Variants in SUMF1 observed in about 807,000 individuals in gnomAD.
SUMF1 encodes formylglycine-generating enzyme.
Under a neutral mutation model 47.6 loss-of-function variants are expected in SUMF1, and 48 were observed. The ratio of observed to expected loss-of-function variants is 1.01; its 90% confidence interval spans 0.80 to 1.28. The LOEUF (loss-of-function observed/expected upper bound fraction) is 1.28, where lower values mean the gene tolerates loss of function less well. SUMF1 is among the 50% of genes most tolerant of loss of function. SUMF1 has a pLI of 0.00. For missense variants in SUMF1, 571 were observed against 485.4 expected, an observed-to-expected ratio of 1.18 and a Z score of -1.66; for synonymous variants, 230 against 192.1, an observed-to-expected ratio of 1.20 and a Z score of -1.63.
intron 8 of SUMF1, among the ~76,000 whole-genome samples, chr3:4,136,352 G>C (rs1360448004): frequency 5.9e-5 from 9 of 152,014 alleles, no homozygotes; most frequent in Non-Finnish European, 8.8e-5. Context: ...ACAAACCTGA[G>C]AAAAACAAGC....
At chr3:4,372,171 C>T (rs115023768) in intron 8 of SUMF1, among the ~76,000 whole-genome samples, 4,863 of 152,174 alleles carry the variant, frequency 0.032, 114 homozygotes, top group Non-Finnish European at 0.048. Context: ...CGTGGTGGCA[C>T]AAGCCTGTAA....
At chr3:4,369,043 AAAGGTTTTTTT>A (rs3833601) in intron 8 of SUMF1, among the ~76,000 whole-genome samples, 58,522 of 150,258 alleles carry the variant, frequency 0.39, 11,769 homozygotes, top group Non-Finnish European at 0.46. Context: ...TTGGCATGCA[AAAGGTTTTTTT>A]TTTTTTTTAA....
At chr3:4,369,047 G>GTTT (rs1167016301) in intron 8 of SUMF1, among the ~76,000 whole-genome samples, 1 of 59,108 alleles carries the variant, frequency 1.7e-5, no homozygotes, top group South Asian at 3.9e-4. Context: ...CATGCAAAAG[G>GTTT]TTTTTTTTTT....
At chr3:4,142,590 CTGCT>C (rs1694097268) in intron 8 of SUMF1, among the ~76,000 whole-genome samples, 1 of 152,112 alleles carries the variant, frequency 6.6e-6, no homozygotes, top group South Asian at 2.1e-4. Flanking sequence ...AAACAGTTTT[CTGCT>C]TGCTTAAGGA....
At chr3:4,458,338 C>A (rs1239382176) in intron 1 of SUMF1, among the ~76,000 whole-genome samples, 1 of 152,054 alleles carries the variant, frequency 6.6e-6, no homozygotes, top group Admixed American at 6.6e-5. Flanking sequence ...CAGAAATCTG[C>A]AAACAGAATT....
At chr3:4,075,431 A>C (rs1029669880) in intron 8 of SUMF1, among the ~76,000 whole-genome samples, 3 of 152,176 alleles carry the variant, frequency 2.0e-5, no homozygotes, top group African/African-American at 7.2e-5. Flanking sequence ...AACTGGCACA[A>C]GACAAAGATG....
chr3:4,303,772 G>A (rs1698057489), intron 8 of SUMF1: 1 of 1,453,196 alleles, frequency 6.9e-7, no homozygotes, highest in Non-Finnish European at 9.2e-7. Flanking sequence ...CGGAGGCCTT[G>A]TGAGAACCTG....
chr3:4,050,631 T>C (rs1414628692), intron 9 of SUMF1, among the ~76,000 whole-genome samples: 1 of 150,808 alleles, frequency 6.6e-6, no homozygotes, highest in Non-Finnish European at 1.5e-5. Context: ...TACTGCCAGC[T>C]ACTCAGGAGG....
chr3:4,322,331 CATA>C (rs1206162409), intron 8 of SUMF1, among the ~76,000 whole-genome samples: 5 of 151,982 alleles, frequency 3.3e-5, no homozygotes, highest in South Asian at 2.1e-4. Flanking sequence ...TGTATCAATA[CATA>C]ATAATATATA....
intron 8 of SUMF1, among the ~76,000 whole-genome samples, chr3:4,143,356 G>C (rs764000748): frequency 1.3e-5 from 2 of 152,076 alleles, no homozygotes; most frequent in Non-Finnish European, 2.9e-5. Context: ...CTTTTCCCAG[G>C]TAACCCTCAC....
At chr3:4,275,580 C>T (rs1403802883) in intron 8 of SUMF1, among the ~76,000 whole-genome samples, 2 of 152,182 alleles carry the variant, frequency 1.3e-5, no homozygotes, top group African/African-American at 2.4e-5. Flanking sequence ...AAACCAATCA[C>T]TGGTGATCCC....
rs1700149204 is a variant in SUMF1, at chr3:4,370,944, T to TA, written c.1014+5385dup. 7.2e-5 allele frequency among the ~76,000 whole-genome samples: 11 copies of TA among 152,224 alleles called. No individual in the cohort carries two copies. In the South Asian group the frequency reaches 2.3e-3, roughly 32 times the overall value. On this transcript the variant is annotated intron_variant, in intron 8 of 8. Transcript: ENST00000272902. ...GACTGTCCATTAACCAAAATGACAA[T>TA]AAAGAATTAAACCCTAAAAAGCAAG...
intron 8 of SUMF1, among the ~76,000 whole-genome samples, chr3:4,119,494 C>A (rs750352149): frequency 1.3e-5 from 2 of 152,150 alleles, no homozygotes; most frequent in Admixed American, 6.5e-5. Flanking sequence ...TTCATCACCC[C>A]ACCTGGTCCA....
At chr3:4,333,442 A>T (rs745934773) in intron 8 of SUMF1, among the ~76,000 whole-genome samples, 12 of 152,258 alleles carry the variant, frequency 7.9e-5, no homozygotes, top group Non-Finnish European at 1.5e-4. Context: ...TAGTGAATAC[A>T]GAAAGGAAAG....
At chr3:4,417,640 T>A (rs1236226171) in intron 5 of SUMF1, among the ~76,000 whole-genome samples, 1 of 152,166 alleles carries the variant, frequency 6.6e-6, no homozygotes, top group Non-Finnish European at 1.5e-5. Flanking sequence ...CAACATGAGT[T>A]TTCTGTCTCA....
intron 8 of SUMF1, among the ~76,000 whole-genome samples, chr3:4,312,360 CAAA>C (rs993196797): frequency 6.6e-6 from 1 of 151,926 alleles, no homozygotes; most frequent in African/African-American, 2.4e-5. Context: ...AAGAGGGAAA[CAAA>C]AGAAGTTACA....
intron 1 of SUMF1, among the ~76,000 whole-genome samples, chr3:4,457,029 C>G: frequency 1.5e-5 from 1 of 64,738 alleles, no homozygotes; most frequent in Admixed American, 1.5e-4. Context: ...CATATATATA[C>G]GTGTGTGTGT....
At chr3:4,367,770 C>G (rs1399820318) in intron 8 of SUMF1, among the ~76,000 whole-genome samples, 1 of 151,824 alleles carries the variant, frequency 6.6e-6, no homozygotes, top group Non-Finnish European at 1.5e-5. Context: ...TGCTGGGAAA[C>G]CTGGCTAGCC....
intron 1 of SUMF1, among the ~76,000 whole-genome samples, chr3:4,464,279 T>TC (rs948423808): frequency 7.5e-5 from 5 of 66,504 alleles, no homozygotes; most frequent in Admixed American, 1.5e-4. Flanking sequence ...ATGTGGCCTT[T>TC]TTTTTTTTGA....
Sources: allele counts gnomAD v4.1 joint callset (sites outside exome capture counted in the v4.1 genomes callset), GRCh38; gene constraint gnomAD v4.1.1; transcripts MANE v1.5; gene names NCBI Gene and HGNC (gene_info 2026-07-23, HGNC 2026-07-21).